The following TRDN variants were observed in gnomAD, a reference collection of about 807,000 sequenced individuals.
TRDN encodes the protein triadin in skeletal muscle.
In TRDN, 161 loss-of-function variants were observed where a neutral mutation model predicts 149.7. The ratio of observed to expected loss-of-function variants is 1.08; its 90% CI spans 0.95 to 1.23. TRDN has a LOEUF of 1.23. Ranked by LOEUF, TRDN falls within the 50% of genes most tolerant of loss-of-function variation. TRDN has a pLI of 0.00. For missense variants in TRDN, 896 were observed against 823.5 expected, an observed-to-expected ratio of 1.09 and a Z score of -1.08; for synonymous variants, 294 against 250.5, an observed-to-expected ratio of 1.17 and a Z score of -1.64.
At chr6:123,385,501 A>C (rs997772228) in intron 14 of TRDN, among the ~76,000 whole-genome samples, 1 of 152,056 alleles carries the variant, frequency 6.6e-6, no homozygotes, top group Non-Finnish European at 1.5e-5. Context: ...ATTTTCTGAT[A>C]GCCTACTAGT....
intron 38 of TRDN, among the ~76,000 whole-genome samples, chr6:123,227,059 A>T (rs1775402757): frequency 6.6e-6 from 1 of 151,878 alleles, no homozygotes; most frequent in South Asian, 2.1e-4. Context: ...CATGTGGAAC[A>T]TCTTATACAT....
intron 21 of TRDN, among the ~76,000 whole-genome samples, chr6:123,342,713 T>A (rs773551773): frequency 6.6e-6 from 1 of 151,940 alleles, no homozygotes; most frequent in South Asian, 2.1e-4. Context: ...ATGACAAAGT[T>A]AGGGTTAAAT....
At chr6:123,389,846 G>A (rs929829233) in intron 13 of TRDN, among the ~76,000 whole-genome samples, 1 of 151,952 alleles carries the variant, frequency 6.6e-6, no homozygotes, top group Non-Finnish European at 1.5e-5. Flanking sequence ...GATATAATAA[G>A]GATAAAAACA....
At chr6:123,629,512 G>A (rs1181775803) in intron 1 of TRDN, among the ~76,000 whole-genome samples, 2 of 152,058 alleles carry the variant, frequency 1.3e-5, no homozygotes, top group Non-Finnish European at 2.9e-5. Flanking sequence ...ATAAAGAACA[G>A]GTTGCTCCAT....
At position 123,465,067 on chromosome 6, in the gene TRDN, T is replaced by C. The variant is rs183008035; in HGVS notation, c.854-84A>G. 4,908 of 1,390,326 alleles carry C rather than the reference T, an allele frequency of 3.5e-3. 14 individuals carry two copies. The highest frequency in any genetic ancestry group is 3.7e-3 in the Non-Finnish European group (3,854 of 1,031,814). The allele number at this position is 1,390,326 out of a possible 1,614,324, so 86.1% of individuals were successfully genotyped here. A position where few individuals can be genotyped will look rare whatever the true frequency, so the allele number is the denominator to read the frequency against. ...CAACTAAAAAGCTAGATCTGTCCCC[T>C]ACATGCATAATTCATAATACCAAGC... is the stretch of plus-strand genomic sequence containing the variant. On this transcript the variant is annotated intron_variant, in intron 9 of 40. Coordinates refer to ENST00000334268, the MANE Select transcript of TRDN (RefSeq NM_006073.4).
intron 9 of TRDN, among the ~76,000 whole-genome samples, chr6:123,472,791 C>A (rs1379037274): frequency 3.3e-5 from 5 of 152,202 alleles, no homozygotes; most frequent in African/African-American, 7.2e-5. Flanking sequence ...GACCCCTGAC[C>A]CCCGAGCAGC....
chr6:123,609,800 C>G (rs1315043745), intron 1 of TRDN, among the ~76,000 whole-genome samples: 1 of 152,090 alleles, frequency 6.6e-6, no homozygotes, highest in Admixed American at 6.6e-5. Context: ...CATAATTGTT[C>G]TCATATAAAG....
intron 1 of TRDN, among the ~76,000 whole-genome samples, chr6:123,585,725 C>T (rs944743912): frequency 6.6e-6 from 1 of 152,026 alleles, no homozygotes; most frequent in Non-Finnish European, 1.5e-5. Context: ...ATTCCTTGGC[C>T]TGGTGGCCAG....
intron 23 of TRDN, among the ~76,000 whole-genome samples, chr6:123,320,176 A>G (rs184683928): frequency 4.6e-4 from 70 of 151,798 alleles, no homozygotes; most frequent in African/African-American, 1.3e-3. Flanking sequence ...TCTTTAGCAC[A>G]TAGATATCTC....
intron 1 of TRDN, among the ~76,000 whole-genome samples, chr6:123,610,849 C>T (rs1244406297): frequency 2.0e-5 from 3 of 152,128 alleles, no homozygotes; most frequent in African/African-American, 7.2e-5. Context: ...AAGTGGGACT[C>T]CTAGAGTCTA....
At chr6:123,522,252 T>C (rs1406555260) in intron 5 of TRDN, among the ~76,000 whole-genome samples, 1 of 152,146 alleles carries the variant, frequency 6.6e-6, no homozygotes, top group African/African-American at 2.4e-5. Flanking sequence ...GGAGCCTTCT[T>C]GGAAAAAGTT....
chr6:123,297,432 G>A (rs1466504777), intron 24 of TRDN, among the ~76,000 whole-genome samples: 1 of 151,976 alleles, frequency 6.6e-6, no homozygotes, highest in Non-Finnish European at 1.5e-5. Flanking sequence ...AGAACCAATA[G>A]AGAAGTAGAT....
intron 9 of TRDN, among the ~76,000 whole-genome samples, chr6:123,477,546 C>A (rs1777548329): frequency 6.7e-6 from 1 of 148,350 alleles, no homozygotes; most frequent in South Asian, 2.2e-4. Context: ...TTGACCCAGC[C>A]ATCCCATTAC....
chr6:123,382,072 A>G, intron 15 of TRDN, 46 bp downstream of exon 15: 7 of 1,418,374 alleles, frequency 4.9e-6, no homozygotes, highest in South Asian at 1.5e-5. Context: ...ATGCTGTTTC[A>G]TGGTTCATCA....
At chr6:123,323,033 C>T (rs893523302) in intron 23 of TRDN, among the ~76,000 whole-genome samples, 6 of 152,044 alleles carry the variant, frequency 3.9e-5, no homozygotes, top group Admixed American at 2.0e-4. Context: ...AGCCACAGAA[C>T]ATTATGTGAA....
chr6:123,552,390 C>T (rs184676340), intron 2 of TRDN, among the ~76,000 whole-genome samples: 36 of 152,228 alleles, frequency 2.4e-4, no homozygotes, highest in African/African-American at 8.2e-4. Context: ...CTCTGCTTCC[C>T]TTCTAAAAAA....
At chr6:123,272,588 G>T (rs911242545) in intron 29 of TRDN, among the ~76,000 whole-genome samples, 1 of 151,840 alleles carries the variant, frequency 6.6e-6, no homozygotes, top group African/African-American at 2.4e-5. Context: ...GCATTTTTGG[G>T]ACTTGGAGAG....
intron 12 of TRDN, among the ~76,000 whole-genome samples, chr6:123,404,971 A>G (rs573388471): frequency 1.1e-4 from 16 of 152,324 alleles, no homozygotes; most frequent in African/African-American, 3.4e-4. Context: ...CTAAACTTAA[A>G]TTGGTATTTA....
chr6:123,427,249 T>C (rs536567917), intron 12 of TRDN, among the ~76,000 whole-genome samples: 2 of 151,762 alleles, frequency 1.3e-5, no homozygotes, highest in African/African-American at 2.4e-5. Context: ...ATGGCCTCAC[T>C]TCCTGGAATA....
Sources: gnomAD v4.1 joint callset for allele counts (sites outside exome capture counted in the v4.1 genomes callset) on GRCh38, gnomAD v4.1.1 for gene constraint, MANE v1.5 for transcripts, NCBI Gene and HGNC (gene_info 2026-07-23, HGNC 2026-07-21) for gene names.